The following MAGI1 variants were observed in gnomAD, a reference collection of about 807,000 sequenced individuals.
MAGI1 encodes membrane associated guanylate kinase, WW and PDZ domain containing 1, also known as membrane-associated guanylate kinase, WW and PDZ domain-containing protein 1.
In MAGI1, 58 loss-of-function variants were observed where a neutral mutation model predicts 139.9. The ratio of observed to expected loss-of-function variants is 0.41; its 90% CI spans 0.34 to 0.52. MAGI1 has a LOEUF of 0.52. Among genes scored for constraint, MAGI1 ranks in the 20% least tolerant of loss-of-function variants. MAGI1 has a pLI of 0.12. For synonymous variants in MAGI1, 812 were observed against 737.9 expected, an observed-to-expected ratio of 1.10 and a Z score of -1.63; for missense variants, 1,874 against 1,901.6, an observed-to-expected ratio of 0.99 and a Z score of 0.27.
At chr3:65,562,025 A>G (rs1454434573) in intron 2 of MAGI1, among the ~76,000 whole-genome samples, 4 of 152,344 alleles carry the variant, frequency 2.6e-5, no homozygotes, top group Middle Eastern at 3.4e-3. Context: ...GTATATCATT[A>G]TAATTGTTCT....
At chr3:65,380,536 C>G (rs1942960400) in intron 16 of MAGI1, among the ~76,000 whole-genome samples, 1 of 152,188 alleles carries the variant, frequency 6.6e-6, no homozygotes, top group African/African-American at 2.4e-5. Context: ...CCCCCACCAA[C>G]CATCATTCTG....
intron 2 of MAGI1, among the ~76,000 whole-genome samples, chr3:65,614,325 G>A (rs1395514893): frequency 8.5e-5 from 13 of 152,234 alleles, no homozygotes; most frequent in Non-Finnish European, 1.9e-4. Flanking sequence ...AGTACAAATG[G>A]CTGTAAAATG....
chr3:65,359,127 T>C lies in MAGI1; in HGVS notation c.3635-1995A>G, dbSNP rs746575158. 19 of 1,613,960 alleles carry C rather than the reference T, an allele frequency of 1.2e-5. No homozygotes were observed. The Admixed American group carries it at 1.8e-4, about 16-fold the overall frequency. On this transcript the variant is annotated intron_variant, in intron 22 of 22. Coordinates refer to ENST00000402939, the MANE Select transcript of MAGI1 (RefSeq NM_001033057.2). Reference sequence around the variant, plus strand: ...CCCCGAGCTTTTCATTTCTCATACATGCAGCGATATTAGGAGGTATCATCG... The same window carrying C: ...CCCCGAGCTTTTCATTTCTCATACACGCAGCGATATTAGGAGGTATCATCG...
chr3:65,611,944 T>C lies in MAGI1; in HGVS notation c.430+10028A>G, dbSNP rs1007968043. Among the ~76,000 whole-genome samples the C allele has an allele frequency of 6.6e-5, 10 of 151,950 alleles. 1 individual carries two copies. In the South Asian group the frequency reaches 2.1e-3, roughly 31 times the overall value. On this transcript the variant is annotated intron_variant, in intron 2 of 22. Transcript: ENST00000402939. ...TTATAAGATTTCTACAAGTATTCAA[T>C]AGGAAACTATAATGAAAACACTTAG...
chr3:65,700,244 C>T (rs938983712), intron 1 of MAGI1, among the ~76,000 whole-genome samples: 6 of 152,048 alleles, frequency 3.9e-5, no homozygotes, highest in African/African-American at 1.4e-4. Flanking sequence ...GAGTTCAAGA[C>T]CAGCCTGGCC....
intron 1 of MAGI1, among the ~76,000 whole-genome samples, chr3:66,027,891 T>C (rs114062251): frequency 0.023 from 3,433 of 152,270 alleles, 82 homozygotes; most frequent in Middle Eastern, 0.082. Context: ...CTCTCCTTAA[T>C]TGTGACAACC....
chr3:65,553,146 G>T (rs1559664483), intron 2 of MAGI1, among the ~76,000 whole-genome samples: 3 of 145,404 alleles, frequency 2.1e-5, no homozygotes, highest in South Asian at 2.2e-4. Flanking sequence ...TGAGTTGTTG[G>T]TTTTTTTTTT....
At chr3:65,974,089 C>A (rs2065137595) in intron 1 of MAGI1, among the ~76,000 whole-genome samples, 1 of 151,834 alleles carries the variant, frequency 6.6e-6, no homozygotes, top group South Asian at 2.1e-4. Context: ...AAAATAAAAT[C>A]TTTCTTATTT....
At chr3:65,828,859 A>C (rs1375759833) in intron 1 of MAGI1, among the ~76,000 whole-genome samples, 1 of 152,218 alleles carries the variant, frequency 6.6e-6, no homozygotes, top group Non-Finnish European at 1.5e-5. Context: ...CAAAAGGAAA[A>C]GGAGCTCAAC....
chr3:65,783,133 A>G (rs987984729), intron 1 of MAGI1, among the ~76,000 whole-genome samples: 1 of 151,954 alleles, frequency 6.6e-6, no homozygotes, highest in Non-Finnish European at 1.5e-5. Context: ...CACATATCTA[A>G]TAAGTGTCCA....
intron 1 of MAGI1, among the ~76,000 whole-genome samples, chr3:65,950,106 A>AAAAAAAAAAAAAAAAAAAAAAAAAAAC (rs796698272): frequency 1.2e-5 from 1 of 84,198 alleles, no homozygotes; most frequent in African/African-American, 5.1e-5. Flanking sequence ...AAAAAAAAAA[A>AAAAAAAAAAAAAAAAAAAAAAAAAAAC]CAGAACTAGC....
intron 1 of MAGI1, among the ~76,000 whole-genome samples, chr3:65,813,560 T>G (rs2041417303): frequency 6.6e-6 from 1 of 152,132 alleles, no homozygotes; most frequent in Non-Finnish European, 1.5e-5. Context: ...AAAAGAGCAG[T>G]CTCAGAGTTG....
intron 4 of MAGI1, among the ~76,000 whole-genome samples, chr3:65,473,639 CAAAAAA>C (rs35970775): frequency 4.6e-5 from 4 of 87,358 alleles, no homozygotes; most frequent in East Asian, 6.4e-4. Flanking sequence ...TACATGTTTA[CAAAAAA>C]AAAAAAAAAA....
chr3:65,392,093 C>G (rs1194981763), intron 13 of MAGI1, among the ~76,000 whole-genome samples: 1 of 152,186 alleles, frequency 6.6e-6, no homozygotes, highest in Non-Finnish European at 1.5e-5. Context: ...CTTCTTAGAT[C>G]TGCAACTTCT....
chr3:65,901,203 A>G (rs1387171904), intron 1 of MAGI1, among the ~76,000 whole-genome samples: 1 of 152,234 alleles, frequency 6.6e-6, no homozygotes, highest in Non-Finnish European at 1.5e-5. Flanking sequence ...CAATCCAGAG[A>G]CAAGGAAAAA....
At chr3:65,953,837 G>C (rs967169135) in intron 1 of MAGI1, among the ~76,000 whole-genome samples, 39 of 152,268 alleles carry the variant, frequency 2.6e-4, no homozygotes, top group Admixed American at 2.4e-3. Flanking sequence ...TATCTAGAAA[G>C]GCAATGTTCG....
At chr3:65,688,122 C>G in intron 1 of MAGI1, 3 of 774,740 alleles carry the variant, frequency 3.9e-6, no homozygotes, top group Non-Finnish European at 6.8e-6. Flanking sequence ...CTTGCAGATT[C>G]TAGGTGCAGG....
chr3:65,591,062 G>A (rs1226043524), intron 2 of MAGI1, among the ~76,000 whole-genome samples: 1 of 152,136 alleles, frequency 6.6e-6, no homozygotes, highest in Non-Finnish European at 1.5e-5. Context: ...CGTGTGCAAG[G>A]ATGTTCCTTT....
intron 1 of MAGI1, among the ~76,000 whole-genome samples, chr3:65,823,789 T>G: frequency 6.6e-6 from 1 of 152,168 alleles, no homozygotes; most frequent in East Asian, 1.9e-4. Context: ...CTATAAGCAC[T>G]GAGGATGCTT....
Sources: allele counts gnomAD v4.1 joint callset (sites outside exome capture counted in the v4.1 genomes callset), GRCh38; gene constraint gnomAD v4.1.1; transcripts MANE v1.5; gene names NCBI Gene and HGNC (gene_info 2026-07-23, HGNC 2026-07-21).